The following XPR1 variants were observed in gnomAD, a reference collection of about 807,000 sequenced individuals.
XPR1 encodes xenotropic and polytropic retrovirus receptor 1, also known as solute carrier family 53 member 1.
Under a neutral mutation model 87.5 loss-of-function variants are expected in XPR1, and 28 were observed. The observed-to-expected ratio is 0.32, with a 90% CI of 0.24 to 0.44. The LOEUF (loss-of-function observed/expected upper bound fraction) is 0.44. XPR1 is among the 20% of genes least tolerant of loss of function. XPR1 has a pLI of 1.00. For missense variants in XPR1, 559 were observed against 862.3 expected, an observed-to-expected ratio of 0.65 and a Z score of 4.41; for synonymous variants, 300 against 306.1, an observed-to-expected ratio of 0.98 and a Z score of 0.21.
chr1:180,822,215 A>C (rs185734372), intron 7 of XPR1, among the ~76,000 whole-genome samples: 4 of 152,310 alleles, frequency 2.6e-5, no homozygotes, highest in Non-Finnish European at 2.9e-5. Context: ...TGTCTGATCT[A>C]CTGCTGACCA....
chr1:180,733,511 C>G (rs958447178), intron 2 of XPR1, among the ~76,000 whole-genome samples: 2 of 152,032 alleles, frequency 1.3e-5, no homozygotes, highest in African/African-American at 4.8e-5. Context: ...ATGCATGGAG[C>G]TAGAAGCTTT....
chr1:180,764,615 A>G (rs1437464214), intron 2 of XPR1, among the ~76,000 whole-genome samples: 4 of 151,346 alleles, frequency 2.6e-5, no homozygotes, highest in Non-Finnish European at 5.9e-5. Flanking sequence ...GACTACAGGC[A>G]TGTACTACCA....
intron 11 of XPR1, among the ~76,000 whole-genome samples, chr1:180,861,112 T>G (rs1417418544): frequency 6.6e-6 from 1 of 152,234 alleles, no homozygotes; most frequent in East Asian, 1.9e-4. Flanking sequence ...GAAATACTCA[T>G]TTTGTTATCT....
chr1:180,873,794 A>G lies in XPR1; in HGVS notation c.1669-9A>G. The G allele has an allele frequency of 6.2e-7, 1 of 1,609,226 alleles. No homozygotes were observed. Among genetic ancestry groups the G allele is most frequent in the African/African-American group, 1.3e-5 (1 of 74,836 alleles). On this transcript the variant is annotated splice_polypyrimidine_tract_variant and intron_variant, in intron 12 of 14. Coordinates refer to ENST00000367590, the MANE Select transcript of XPR1 (RefSeq NM_004736.4). ...AGAAAACATACTCAATTTCTTTATT[A>G]TTTCTCAGGCCTACTACTACTGTGC...
At chr1:180,815,164 A>C (rs868853435) in intron 7 of XPR1, among the ~76,000 whole-genome samples, 5 of 152,160 alleles carry the variant, frequency 3.3e-5, no homozygotes, top group Middle Eastern at 3.4e-3. Context: ...CAAGATGAGC[A>C]TGGTGGTATT....
At chr1:180,862,923 A>G (rs1221199785) in intron 11 of XPR1, among the ~76,000 whole-genome samples, 1 of 152,122 alleles carries the variant, frequency 6.6e-6, no homozygotes, top group Admixed American at 6.5e-5. Context: ...AGAGCTTACC[A>G]AAGAAGAATT....
chr1:180,809,085 G>T (rs1011200521), intron 6 of XPR1, among the ~76,000 whole-genome samples: 5 of 152,024 alleles, frequency 3.3e-5, no homozygotes, highest in Non-Finnish European at 5.9e-5. Flanking sequence ...CAATAAAAAG[G>T]AATAACTGAT....
chr1:180,737,538 TCAG>T (rs1658767989), intron 2 of XPR1, among the ~76,000 whole-genome samples: 1 of 152,228 alleles, frequency 6.6e-6, no homozygotes, highest in South Asian at 2.1e-4. Flanking sequence ...ATCCATGTAA[TCAG>T]CACCACAATG....
intron 2 of XPR1, among the ~76,000 whole-genome samples, chr1:180,778,748 C>T (rs1275631262): frequency 1.3e-5 from 2 of 152,192 alleles, no homozygotes; most frequent in African/African-American, 2.4e-5. Flanking sequence ...GCTTTATACT[C>T]ATAATTCCCA....
At chr1:180,874,065 A>G (rs1427821934) in intron 13 of XPR1, 123 bp downstream of exon 13, 1 of 1,181,078 alleles carries the variant, frequency 8.5e-7, no homozygotes, top group Non-Finnish European at 1.2e-6. Context: ...CTTTTCTCAA[A>G]TTTCTCCTCA....
At chr1:180,760,403 A>G (rs1302263235) in intron 2 of XPR1, among the ~76,000 whole-genome samples, 1 of 152,236 alleles carries the variant, frequency 6.6e-6, no homozygotes, top group Non-Finnish European at 1.5e-5. Context: ...GCTGATAAGC[A>G]ACTTCAGCAA....
intron 1 of XPR1, among the ~76,000 whole-genome samples, chr1:180,642,200 A>G (rs1453083294): frequency 6.6e-6 from 1 of 152,174 alleles, no homozygotes; most frequent in African/African-American, 2.4e-5. Context: ...GGGTCAGGTA[A>G]CAATGAAAGC....
intron 1 of XPR1, among the ~76,000 whole-genome samples, chr1:180,665,252 C>T (rs572837070): frequency 1.3e-5 from 2 of 152,264 alleles, no homozygotes; most frequent in East Asian, 1.9e-4. Context: ...CACTCACTAT[C>T]GCAAGAACAG....
chr1:180,831,871 CT>C (rs1450071246), intron 9 of XPR1, among the ~76,000 whole-genome samples: 1 of 152,096 alleles, frequency 6.6e-6, no homozygotes, highest in Non-Finnish European at 1.5e-5. Flanking sequence ...GTGCATGTGT[CT>C]TTATAGTAGC....
intron 2 of XPR1, among the ~76,000 whole-genome samples, chr1:180,712,782 G>A: frequency 6.6e-6 from 1 of 151,018 alleles, no homozygotes. Context: ...CTCCAGCCTG[G>A]GCAACAGAAT....
intron 2 of XPR1, among the ~76,000 whole-genome samples, chr1:180,775,515 CTTTG>C (rs1013230311): frequency 3.9e-5 from 6 of 152,008 alleles, no homozygotes; most frequent in Non-Finnish European, 8.8e-5. Flanking sequence ...CTTTTGTTTG[CTTTG>C]TTTATTGTAA....
intron 1 of XPR1, among the ~76,000 whole-genome samples, chr1:180,648,864 A>C (rs1655203396): frequency 6.6e-6 from 1 of 152,190 alleles, no homozygotes; most frequent in Non-Finnish European, 1.5e-5. Flanking sequence ...TCTGATTACT[A>C]TACTGATTAC....
chr1:180,733,326 C>T (rs1381510425), intron 2 of XPR1, among the ~76,000 whole-genome samples: 1 of 152,202 alleles, frequency 6.6e-6, no homozygotes, highest in Non-Finnish European at 1.5e-5. Flanking sequence ...TCCCCGCTTC[C>T]ATATCATTTA....
At position 180,697,438 on chromosome 1, in the gene XPR1, G is replaced by C. The variant is rs1657207372; in HGVS notation, c.121+15027G>C. On this transcript the variant is annotated intron_variant, in intron 2 of 14. Coordinates refer to ENST00000367590, the MANE Select transcript of XPR1 (RefSeq NM_004736.4). ...TGCTGATTGTTTGTATATTTTTTTA[G>C]TCTCTATTTTTGTTTATTTCTGCTC... 2.0e-5 allele frequency among the ~76,000 whole-genome samples: 3 copies of C among 150,894 alleles called. No individual in the cohort carries two copies. The South Asian group carries it at 6.3e-4, about 32-fold the overall frequency.
Sources: gnomAD v4.1 joint callset for allele counts (sites outside exome capture counted in the v4.1 genomes callset) on GRCh38, gnomAD v4.1.1 for gene constraint, MANE v1.5 for transcripts, NCBI Gene and HGNC (gene_info 2026-07-23, HGNC 2026-07-21) for gene names.